The following COP1 variants were observed in gnomAD, a reference collection of about 807,000 sequenced individuals.
COP1 encodes the protein E3 ubiquitin-protein ligase COP1.
Under a neutral mutation model 101.3 loss-of-function variants are expected in COP1, and 24 were observed. The ratio of observed to expected loss-of-function variants is 0.24; its 90% CI spans 0.17 to 0.33. COP1 has a LOEUF of 0.33. Among genes scored for constraint, COP1 ranks in the 10% least tolerant of loss-of-function variants. The probability of loss-of-function intolerance (pLI) is 1.00; values close to 1 mark genes in which losing one functional copy is unlikely to be tolerated. For missense variants in COP1, 663 were observed against 906.2 expected, an observed-to-expected ratio of 0.73 and a Z score of 3.45; for synonymous variants, 347 against 341.9, an observed-to-expected ratio of 1.01 and a Z score of -0.17.
chr1:176,167,930 A>G (rs1364043050), intron 3 of COP1, among the ~76,000 whole-genome samples: 1 of 151,796 alleles, frequency 6.6e-6, no homozygotes, highest in African/African-American at 2.4e-5. Flanking sequence ...AGTGACTGAC[A>G]GTAGTAAGGA....
intron 10 of COP1, 34 bp from the exon 11 acceptor site, chr1:176,081,321 A>G: frequency 6.6e-7 from 1 of 1,526,606 alleles, no homozygotes; most frequent in Non-Finnish European, 8.8e-7. Flanking sequence ...GACAAAACAG[A>G]TGAATTGAAC....
intron 5 of COP1, among the ~76,000 whole-genome samples, chr1:176,161,427 A>G (rs1483214571): frequency 6.6e-6 from 1 of 151,968 alleles, no homozygotes; most frequent in Non-Finnish European, 1.5e-5. Flanking sequence ...TGTATCTACA[A>G]AAAATAAAAA....
chr1:176,045,530 C>A (rs550847392), intron 12 of COP1, among the ~76,000 whole-genome samples: 1 of 146,350 alleles, frequency 6.8e-6, no homozygotes, highest in African/African-American at 2.6e-5. Context: ...TCATATAATT[C>A]TCTTTTAAAG....
At chr1:176,156,398 G>C (rs1693456260) in intron 5 of COP1, among the ~76,000 whole-genome samples, 1 of 152,012 alleles carries the variant, frequency 6.6e-6, no homozygotes, top group Non-Finnish European at 1.5e-5. Context: ...ACAGGAGGGA[G>C]AAATGGAAAA....
At chr1:176,027,453 CTAA>C in intron 15 of COP1, 116 bp downstream of exon 15, 1 of 695,436 alleles carries the variant, frequency 1.4e-6, no homozygotes, top group South Asian at 1.7e-5. Flanking sequence ...AATTTAGAGC[CTAA>C]TAATAAAAAC....
chr1:175,983,011 T>C (rs1346955720), intron 18 of COP1, among the ~76,000 whole-genome samples: 2 of 152,146 alleles, frequency 1.3e-5, no homozygotes, highest in Non-Finnish European at 2.9e-5. Flanking sequence ...ATTTCAATAT[T>C]GTTAAGAGAA....
intron 9 of COP1, among the ~76,000 whole-genome samples, chr1:176,095,497 T>C (rs1416753061): frequency 2.0e-5 from 3 of 152,142 alleles, no homozygotes; most frequent in Non-Finnish European, 2.9e-5. Context: ...CTGCGCAGCA[T>C]GGCAAAACCC....
intron 6 of COP1, among the ~76,000 whole-genome samples, chr1:176,143,243 G>A (rs1333507321): frequency 2.6e-5 from 4 of 151,830 alleles, no homozygotes; most frequent in East Asian, 1.9e-4. Context: ...CCAATCTTAC[G>A]CCAATAAATT....
At chr1:176,058,183 A>AGG (rs1553244845) in intron 11 of COP1, among the ~76,000 whole-genome samples, 14 of 114,074 alleles carry the variant, frequency 1.2e-4, no homozygotes, top group South Asian at 3.2e-4. Flanking sequence ...CCCGGTAGGG[A>AGG]GGGGGGGGGT....
chr1:176,126,466 C>CT (rs1173236389), intron 8 of COP1, among the ~76,000 whole-genome samples: 8 of 151,164 alleles, frequency 5.3e-5, no homozygotes, highest in South Asian at 2.1e-4. Flanking sequence ...TTTTTCTTTT[C>CT]TTTTTTTTTG....
intron 1 of COP1, among the ~76,000 whole-genome samples, chr1:176,199,560 T>C (rs944559524): frequency 1.3e-5 from 2 of 152,130 alleles, no homozygotes; most frequent in African/African-American, 4.8e-5. Flanking sequence ...AAGCAGTTCA[T>C]GTTATATCCA....
chr1:176,009,058 T>C (rs1379028034), intron 15 of COP1, among the ~76,000 whole-genome samples: 2 of 152,292 alleles, frequency 1.3e-5, no homozygotes, highest in Non-Finnish European at 2.9e-5. Context: ...TTTTCCTGGA[T>C]ATGCACACTA....
intron 8 of COP1, among the ~76,000 whole-genome samples, chr1:176,118,236 C>T (rs1014973241): frequency 6.6e-6 from 1 of 152,048 alleles, no homozygotes; most frequent in African/African-American, 2.4e-5. Context: ...CAGTATGATG[C>T]CAAAATATGG....
At chr1:176,081,555 T>C (rs1470489955) in intron 10 of COP1, among the ~76,000 whole-genome samples, 1 of 151,734 alleles carries the variant, frequency 6.6e-6, no homozygotes, top group Non-Finnish European at 1.5e-5. Flanking sequence ...ATAACAATAA[T>C]AATAATAATA....
At chr1:175,982,140 G>A (rs187805115) in intron 18 of COP1, among the ~76,000 whole-genome samples, 142 of 152,196 alleles carry the variant, frequency 9.3e-4, no homozygotes, top group African/African-American at 3.3e-3. Context: ...AATACAGAAT[G>A]GCAATATGAC....
intron 1 of COP1, among the ~76,000 whole-genome samples, chr1:176,203,344 A>G (rs1399450168): frequency 2.0e-5 from 3 of 152,254 alleles, no homozygotes; most frequent in African/African-American, 4.8e-5. Context: ...CTCAAAAAAA[A>G]AGAAAAAAAG....
chr1:176,053,008 GA>G (rs369652067), intron 11 of COP1, among the ~76,000 whole-genome samples: 9 of 145,058 alleles, frequency 6.2e-5, no homozygotes, highest in South Asian at 4.4e-4. Context: ...CAATGCTGGG[GA>G]AAAAAAAAAC....
chr1:176,127,561 C>CTCTG (rs1688202903), intron 8 of COP1, among the ~76,000 whole-genome samples: 1 of 148,156 alleles, frequency 6.7e-6, no homozygotes, highest in African/African-American at 2.5e-5. Flanking sequence ...TAGTATTCTA[C>CTCTG]TGTGTGTGTG....
At chr1:176,143,672 A>G (rs529707320) in intron 6 of COP1, among the ~76,000 whole-genome samples, 2 of 152,198 alleles carry the variant, frequency 1.3e-5, no homozygotes, top group African/African-American at 4.8e-5. Flanking sequence ...AAGGGGTGCA[A>G]GTAGGGGGAC....
Sources: allele counts gnomAD v4.1 joint callset (sites outside exome capture counted in the v4.1 genomes callset), GRCh38; gene constraint gnomAD v4.1.1; transcripts MANE v1.5; gene names NCBI Gene and HGNC (gene_info 2026-07-23, HGNC 2026-07-21).